The following NRXN3 variants were observed in gnomAD, a reference collection of about 807,000 sequenced individuals.
NRXN3 encodes the protein neurexin III.
In NRXN3, 32 loss-of-function variants were observed where a neutral mutation model predicts 137.6. The ratio of observed to expected loss-of-function variants is 0.23; its 90% CI spans 0.18 to 0.31. NRXN3 has a LOEUF of 0.31. Among genes scored for constraint, NRXN3 ranks in the 10% least tolerant of loss-of-function variants. The pLI is 1.00. For missense variants in NRXN3, 1,574 were observed against 2,062.5 expected (o/e 0.76, Z 4.59); for synonymous variants, 798 against 784.5 (o/e 1.02, Z -0.29).
At chr14:79,518,965 T>C (rs973050642) in intron 16 of NRXN3, among the ~76,000 whole-genome samples, 1 of 152,192 alleles carries the variant, frequency 6.6e-6, no homozygotes, top group African/African-American at 2.4e-5. Context: ...ATTTTCTTTT[T>C]CTATGCCACA....
intron 16 of NRXN3, among the ~76,000 whole-genome samples, chr14:79,587,283 A>G (rs1047637267): frequency 6.6e-6 from 1 of 152,222 alleles, no homozygotes; most frequent in African/African-American, 2.4e-5. Context: ...TTGTAAGATA[A>G]TTTTGCCACT....
chr14:79,699,846 A>G (rs1161260423), intron 19 of NRXN3, among the ~76,000 whole-genome samples: 6 of 151,992 alleles, frequency 3.9e-5, no homozygotes, highest in Non-Finnish European at 5.9e-5. Flanking sequence ...TACAAAAATG[A>G]GTTATAAACC....
At chr14:78,763,315 C>G (rs1268475630) in intron 8 of NRXN3, among the ~76,000 whole-genome samples, 1 of 152,124 alleles carries the variant, frequency 6.6e-6, no homozygotes, top group Non-Finnish European at 1.5e-5. Flanking sequence ...GCTGCGTGAT[C>G]TTGGAGTAAT....
intron 16 of NRXN3, among the ~76,000 whole-genome samples, chr14:79,480,340 C>T (rs1415741536): frequency 1.3e-5 from 2 of 152,182 alleles, no homozygotes; most frequent in East Asian, 3.9e-4. Flanking sequence ...GGCTAAACAG[C>T]AAAGCTTAAA....
intron 15 of NRXN3, among the ~76,000 whole-genome samples, chr14:79,085,450 G>T (rs1430124508): frequency 3.3e-5 from 5 of 152,124 alleles, no homozygotes; most frequent in African/African-American, 1.2e-4. Flanking sequence ...TTTTGAACGT[G>T]CCCATTTTAT....
intron 15 of NRXN3, among the ~76,000 whole-genome samples, chr14:79,378,577 C>T (rs2094374680): frequency 6.6e-6 from 1 of 152,140 alleles, no homozygotes; most frequent in Admixed American, 6.5e-5. Context: ...ATATGGAGCT[C>T]TATTATGGTG....
At chr14:79,381,805 T>C (rs2094477771) in intron 15 of NRXN3, among the ~76,000 whole-genome samples, 1 of 152,148 alleles carries the variant, frequency 6.6e-6, no homozygotes, top group Non-Finnish European at 1.5e-5. Context: ...AGGAAAATTA[T>C]AAAGGCATCA....
intron 4 of NRXN3, among the ~76,000 whole-genome samples, chr14:78,362,861 G>A (rs1184689948): frequency 2.0e-5 from 3 of 152,128 alleles, no homozygotes; most frequent in Non-Finnish European, 2.9e-5. Context: ...TGAGGGACAC[G>A]TTTTGGTTGT....
chr14:78,942,612 G>T (rs1267622663), intron 10 of NRXN3, among the ~76,000 whole-genome samples: 1 of 152,124 alleles, frequency 6.6e-6, no homozygotes, highest in African/African-American at 2.4e-5. Context: ...GATACTAGAG[G>T]CTGAAAACAG....
At chr14:79,643,362 T>C (rs1400939296) in intron 16 of NRXN3, among the ~76,000 whole-genome samples, 1 of 135,890 alleles carries the variant, frequency 7.4e-6, no homozygotes, top group Non-Finnish European at 1.7e-5. Flanking sequence ...CTTGGCCTCC[T>C]GCCCTTTTAT....
chr14:79,515,490 G>T (rs1396955506), intron 16 of NRXN3, among the ~76,000 whole-genome samples: 1 of 150,244 alleles, frequency 6.7e-6, no homozygotes, highest in Non-Finnish European at 1.5e-5. Flanking sequence ...GTATTCCAAG[G>T]AGGCAGGGCG....
At chr14:79,233,618 T>A (rs1333723929) in intron 15 of NRXN3, among the ~76,000 whole-genome samples, 1 of 151,994 alleles carries the variant, frequency 6.6e-6, no homozygotes, top group Non-Finnish European at 1.5e-5. Context: ...TAACTTTAGT[T>A]CTTTTGAAAA....
chr14:79,313,897 C>T (rs1436544478), intron 15 of NRXN3, among the ~76,000 whole-genome samples: 2 of 133,498 alleles, frequency 1.5e-5, no homozygotes, highest in East Asian at 4.6e-4. Context: ...TCCCGTAGCT[C>T]AGAGTAATTT....
chr14:78,473,086 C>A (rs1024389247), intron 4 of NRXN3, among the ~76,000 whole-genome samples: 5 of 152,018 alleles, frequency 3.3e-5, no homozygotes, highest in Admixed American at 3.3e-4. Context: ...TACAGTAGGA[C>A]TGTTACCAAG....
chr14:79,597,267 C>T (rs1430454080), intron 16 of NRXN3, among the ~76,000 whole-genome samples: 1 of 152,180 alleles, frequency 6.6e-6, no homozygotes, highest in East Asian at 1.9e-4. Context: ...CTCAGAAGTA[C>T]TAAAAGTCCT....
At chr14:79,663,070 C>T (rs1473233274) in intron 16 of NRXN3, among the ~76,000 whole-genome samples, 1 of 152,032 alleles carries the variant, frequency 6.6e-6, no homozygotes, top group East Asian at 1.9e-4. Context: ...TGCATAAGCT[C>T]TGGTCTTGAA....
intron 4 of NRXN3, among the ~76,000 whole-genome samples, chr14:78,570,822 TTG>T (rs1252705423): frequency 6.6e-6 from 1 of 152,188 alleles, no homozygotes; most frequent in Non-Finnish European, 1.5e-5. Flanking sequence ...CTTTCTGCAT[TTG>T]GAAGTTTACC....
intron 16 of NRXN3, among the ~76,000 whole-genome samples, chr14:79,541,066 A>C (rs2097267334): frequency 6.6e-6 from 1 of 152,028 alleles, no homozygotes; most frequent in East Asian, 1.9e-4. Flanking sequence ...CTGTCTTTAC[A>C]TTGCCTTCTC....
At chr14:78,378,998 A>G (rs1292442550) in intron 4 of NRXN3, among the ~76,000 whole-genome samples, 1 of 151,656 alleles carries the variant, frequency 6.6e-6, no homozygotes, top group East Asian at 1.9e-4. Context: ...AAGCAACCCT[A>G]CACACAAAAG....
Sources: gnomAD v4.1 joint callset for allele counts (sites outside exome capture counted in the v4.1 genomes callset) on GRCh38, gnomAD v4.1.1 for gene constraint, MANE v1.5 for transcripts, NCBI Gene and HGNC (gene_info 2026-07-23, HGNC 2026-07-21) for gene names.